AGPAT4: variants seen among roughly 807,000 people sequenced by gnomAD.
AGPAT4 encodes the protein 1-acylglycerol-3-phosphate O-acyltransferase 4, also known as 1-acyl-sn-glycerol-3-phosphate acyltransferase delta.
Under a neutral mutation model 48.0 loss-of-function variants are expected in AGPAT4, and 15 were observed. That is an observed-to-expected ratio of 0.31 (90% CI 0.21 to 0.48). The LOEUF (loss-of-function observed/expected upper bound fraction) is 0.48, where lower values mean the gene tolerates loss of function less well. Ranked by LOEUF, AGPAT4 falls within the 20% of genes least tolerant of loss-of-function variation. The pLI is 0.99. For missense variants in AGPAT4, 314 were observed against 482.5 expected, an observed-to-expected ratio of 0.65 and a Z score of 3.27; for synonymous variants, 178 against 198.7, an observed-to-expected ratio of 0.90 and a Z score of 0.88.
At position 161,242,560 on chromosome 6, in the gene AGPAT4, G is replaced by A. The variant is rs1297477823; in HGVS notation, c.-89-10258C>T. ...CAGAGTAGGTACACATTCTGAGGGT[G>A]CCAGCTGGCTAGATGCATTTCCAAC... is the stretch of plus-strand genomic sequence containing the variant. On this transcript the variant is annotated intron_variant, in intron 1 of 8. Transcript: ENST00000320285. The surrounding 1 kb of genome is among the most constrained non-coding windows in gnomAD (Gnocchi z 5.0). Among the ~76,000 whole-genome samples the A allele has an allele frequency of 6.6e-6, 1 of 152,156 alleles. No individual in the cohort carries two copies. Among genetic ancestry groups the A allele is most frequent in the Non-Finnish European group, 1.5e-5 (1 of 68,042 alleles).
rs1780863143 is a variant in AGPAT4 at position 161,189,525 on chromosome 6, G to A, written c.179-23108C>T. Among the ~76,000 whole-genome samples, 1 of 152,178 alleles carries A rather than the reference G, an allele frequency of 6.6e-6. No homozygotes were observed. The highest frequency in any genetic ancestry group is 2.1e-4 in the South Asian group (1 of 4,816). ...ACTTACAACCTTAGTTGCCCGTCAG[G>A]ACTATCCCTCCTCTGCACAGATGAA... On this transcript the variant is annotated intron_variant, in intron 2 of 8. Coordinates refer to ENST00000320285, the MANE Select transcript of AGPAT4 (RefSeq NM_020133.3). The surrounding 1 kb of genome is among the most constrained non-coding windows in gnomAD (Gnocchi z 5.3).
rs1346490495 is a variant in AGPAT4, at chr6:161,240,218, G to GTA, written c.-89-7918_-89-7917dup. On this transcript the variant is annotated intron_variant, in intron 1 of 8. Transcript: ENST00000320285. This position sits in a 1 kb window ranked among gnomAD's most constrained non-coding sequence, Gnocchi z 5.5. ...AAACACTAACAGCAGATATCTTTGT[G>GTA]TATACACACACACACACACACACAC... Among the ~76,000 whole-genome samples the GTA allele has an allele frequency of 1.6e-5, 2 of 128,818 alleles. No individual in the cohort carries two copies. The highest frequency in any genetic ancestry group is 3.2e-5 in the Non-Finnish European group (2 of 62,330). The allele number at this position is 128,818 out of a possible 152,430, so 84.5% of individuals were successfully genotyped here.
At chr6:161,186,140 C>G (rs150755534) in intron 2 of AGPAT4, among the ~76,000 whole-genome samples, 9 of 152,254 alleles carry the variant, frequency 5.9e-5, no homozygotes, top group African/African-American at 1.2e-4. Flanking sequence ...TCCAGCCCCC[C>G]ACTTCTTGGG....
chr6:161,269,795 T>C (rs1783371738), intron 1 of AGPAT4, among the ~76,000 whole-genome samples: 2 of 152,194 alleles, frequency 1.3e-5, no homozygotes, highest in African/African-American at 4.8e-5. Context: ...TCAACACTAT[T>C]TGTTGAATAA....
rs546075622 is a variant in AGPAT4, at chr6:161,260,774, C to T, written c.-90+13164G>A. ...TGGTGGTGTGCACCCATAGTCCCAG[C>T]TACTTGGGGAGGGCTGAGGCAGGTG... On this transcript the variant is annotated intron_variant, in intron 1 of 8. Transcript: ENST00000320285. Among the ~76,000 whole-genome samples the T allele has an allele frequency of 2.0e-5, 3 of 150,374 alleles. No individual in the cohort carries two copies. The South Asian group carries it at 6.4e-4, about 32-fold the overall frequency.
Position 161,223,190 on chromosome 6 carries a change from C to T in AGPAT4, c.178+8846G>A, listed in dbSNP as rs888650487. Reference sequence around the variant, plus strand: ...AGGACAGCAGCTGCACCCCTCTCATCTCTGTTCTCCAGGTGCTGACCCCAG... The same window carrying T: ...AGGACAGCAGCTGCACCCCTCTCATTTCTGTTCTCCAGGTGCTGACCCCAG... On this transcript the variant is annotated intron_variant, in intron 2 of 8. Transcript: ENST00000320285. This position sits in a 1 kb window ranked among gnomAD's most constrained non-coding sequence, Gnocchi z 6.3. Among the ~76,000 whole-genome samples the T allele has an allele frequency of 1.3e-5, 2 of 152,162 alleles. No individual in the cohort carries two copies. The highest frequency in any genetic ancestry group is 4.8e-5 in the African/African-American group (2 of 41,440).
At chr6:161,194,642 A>G (rs888553356) in intron 2 of AGPAT4, among the ~76,000 whole-genome samples, 6 of 151,196 alleles carry the variant, frequency 4.0e-5, no homozygotes, top group African/African-American at 9.7e-5. Flanking sequence ...GTATGTGTGT[A>G]TGTGTATGTA....
At position 161,146,643 on chromosome 6, in the gene AGPAT4, C is replaced by G. The variant is rs767173324; in HGVS notation, c.768-44G>C. On this transcript the variant is annotated intron_variant, in intron 6 of 8. Transcript: ENST00000320285. This position sits in a 1 kb window ranked among gnomAD's most constrained non-coding sequence, Gnocchi z 7.1. ...GCTAGCAGAGAGGAGGTGATGCCCC[C>G]CTACAACATACAGTTTCCAGTAACG... 1 of 1,582,880 alleles carries G rather than the reference C, an allele frequency of 6.3e-7. No individual in the cohort carries two copies. The highest frequency in any genetic ancestry group is 8.7e-7 in the Non-Finnish European group (1 of 1,152,324).
Position 161,165,192 on chromosome 6 carries a change from T to C in AGPAT4, c.348+1056A>G, listed in dbSNP as rs1167813781. Reference sequence around the variant, plus strand: ...ATAGTTACTAGAATGTTTGCTCTTGTTCCTAGAAATATATTTGCACACACA... The same window carrying C: ...ATAGTTACTAGAATGTTTGCTCTTGCTCCTAGAAATATATTTGCACACACA... On this transcript the variant is annotated intron_variant, in intron 3 of 8. Transcript: ENST00000320285. The surrounding 1 kb of genome is among the most constrained non-coding windows in gnomAD (Gnocchi z 5.5). 6.6e-6 allele frequency among the ~76,000 whole-genome samples: 1 copy of C among 152,190 alleles called. No homozygotes were observed. The highest frequency in any genetic ancestry group is 2.4e-5 in the African/African-American group (1 of 41,452).
Position 161,171,470 on chromosome 6 carries a change from G to A in AGPAT4, c.179-5053C>T, listed in dbSNP as rs755622777. On this transcript the variant is annotated intron_variant, in intron 2 of 8. Coordinates refer to ENST00000320285, the MANE Select transcript of AGPAT4 (RefSeq NM_020133.3). This position sits in a 1 kb window ranked among gnomAD's most constrained non-coding sequence, Gnocchi z 4.4. ...TCAAGTGAGAGAAATAAGGGAAAGC[G>A]GCTGAACTCATCCACTTAGCAGGAA... 1.3e-4 allele frequency among the ~76,000 whole-genome samples: 20 copies of A among 152,318 alleles called. No individual in the cohort carries two copies. Among genetic ancestry groups the A allele is most frequent in the South Asian group, 2.1e-4 (1 of 4,830 alleles).
rs1782548796 is a variant in AGPAT4, at chr6:161,243,280, C to T, written c.-89-10978G>A. Among the ~76,000 whole-genome samples the T allele has an allele frequency of 6.6e-6, 1 of 152,010 alleles. No individual in the cohort carries two copies. The highest frequency in any genetic ancestry group is 1.5e-5 in the Non-Finnish European group (1 of 67,982). On this transcript the variant is annotated intron_variant, in intron 1 of 8. Transcript: ENST00000320285. This position sits in a 1 kb window ranked among gnomAD's most constrained non-coding sequence, Gnocchi z 4.8. Reference sequence around the variant, plus strand: ...TGGGGTTACCAAAGTAGGGAAATGGCCCAAGACCCGGCCCTGGGCCGGCAG... The same window carrying T: ...TGGGGTTACCAAAGTAGGGAAATGGTCCAAGACCCGGCCCTGGGCCGGCAG...
rs1781862706 is a variant in AGPAT4 at position 161,222,548 on chromosome 6, C to A, written c.178+9488G>T. Among the ~76,000 whole-genome samples, 1 of 151,340 alleles carries A rather than the reference C, an allele frequency of 6.6e-6. No homozygotes were observed. Among genetic ancestry groups the A allele is most frequent in the African/African-American group, 2.4e-5 (1 of 41,180 alleles). ...AGGAAATAATGACCCAGCTGGGCAT[C>A]TTTCTATAAAAGATTACGCATGAAC... On this transcript the variant is annotated intron_variant, in intron 2 of 8. Coordinates refer to ENST00000320285, the MANE Select transcript of AGPAT4 (RefSeq NM_020133.3). The surrounding 1 kb of genome is among the most constrained non-coding windows in gnomAD (Gnocchi z 5.9).
At chr6:161,273,544 A>C (rs1244023717) in intron 1 of AGPAT4, among the ~76,000 whole-genome samples, 1 of 152,198 alleles carries the variant, frequency 6.6e-6, no homozygotes, top group Non-Finnish European at 1.5e-5. Context: ...AAAAGAGAGC[A>C]ATATGTAATA....
At chr6:161,194,526 CTGTGTGTCTATGTGTGTATGTGTA>C (rs1562332780) in intron 2 of AGPAT4, among the ~76,000 whole-genome samples, 1 of 147,424 alleles carries the variant, frequency 6.8e-6, no homozygotes, top group African/African-American at 2.5e-5. Context: ...ATGTGTGTGT[CTGTGTGTCTATGTGTGTATGTGTA>C]TGTGTGCATG....
rs1779025078 is a variant in AGPAT4, at chr6:161,135,141, G to A, written c.*1399C>T. ...GCCAAAAACATAACTGCATAGAATA[G>A]GCCTTATAATGTGTGGCCAGTTTTT... On this transcript the variant is annotated 3_prime_UTR_variant, in exon 9 of 9. Coordinates refer to ENST00000320285, the MANE Select transcript of AGPAT4 (RefSeq NM_020133.3). 1 of 152,182 alleles carries A rather than the reference G, an allele frequency of 6.6e-6. No homozygotes were observed. The highest frequency in any genetic ancestry group is 1.5e-5 in the Non-Finnish European group (1 of 68,036). 9.4% of individuals were successfully genotyped at this position (152,182 alleles called of 1,614,324 possible).
intron 8 of AGPAT4, among the ~76,000 whole-genome samples, 168 bp from the exon 9 acceptor site, chr6:161,136,802 G>A (rs749359663): frequency 6.6e-6 from 1 of 152,238 alleles, no homozygotes; most frequent in Admixed American, 6.5e-5. Context: ...TCATCCTTGA[G>A]TGTGGACATC....
intron 2 of AGPAT4, among the ~76,000 whole-genome samples, chr6:161,203,389 T>C (rs867114145): frequency 0.1 from 14,564 of 144,262 alleles, 790 homozygotes; most frequent in South Asian, 0.15. Context: ...TTCTTTTTTT[T>C]TTTTTTTTTT....
At position 161,147,358 on chromosome 6, in the gene AGPAT4, T is replaced by C. The variant is rs1326876219; in HGVS notation, c.768-759A>G. 6.6e-6 allele frequency among the ~76,000 whole-genome samples: 1 copy of C among 152,166 alleles called. No individual in the cohort carries two copies. Among genetic ancestry groups the C allele is most frequent in the Non-Finnish European group, 1.5e-5 (1 of 68,022 alleles). On this transcript the variant is annotated intron_variant, in intron 6 of 8. Coordinates refer to ENST00000320285, the MANE Select transcript of AGPAT4 (RefSeq NM_020133.3). This position sits in a 1 kb window ranked among gnomAD's most constrained non-coding sequence, Gnocchi z 4.8. ...ACTCTGCCACCTTTGCCCTTCCTAT[T>C]TGTTCTCAGGTTGATGGCTCTTGTG... is the stretch of plus-strand genomic sequence containing the variant.
intron 1 of AGPAT4, among the ~76,000 whole-genome samples, chr6:161,237,004 G>A (rs955360999): frequency 2.6e-5 from 4 of 152,072 alleles, no homozygotes; most frequent in South Asian, 4.2e-4. Context: ...AAAAGGGATC[G>A]CGGAAACACA....
Sources: allele counts gnomAD v4.1 joint callset (sites outside exome capture counted in the v4.1 genomes callset), GRCh38; gene constraint gnomAD v4.1.1; non-coding constraint Gnocchi (gnomAD v3.1); transcripts MANE v1.5; gene names NCBI Gene and HGNC (gene_info 2026-07-23, HGNC 2026-07-21).